PI15: variants seen among roughly 807,000 people sequenced by gnomAD.
PI15 encodes 25 kDa trypsin inhibitor.
PI15 carries 18 observed loss-of-function variants against 31.0 expected under a neutral mutation model. The observed-to-expected ratio is 0.58, with a 90% confidence interval of 0.40 to 0.86. The LOEUF is 0.86. PI15 is among the 40% of genes least tolerant of loss of function. The pLI is 0.00. For synonymous variants in PI15, 118 were observed against 119.1 expected (o/e 0.99, Z 0.06); for missense variants, 282 against 328.1 (o/e 0.86, Z 1.09).
intron 2 of PI15, among the ~76,000 whole-genome samples, chr8:74,827,178 C>T (rs1810712126): frequency 6.6e-6 from 1 of 152,096 alleles, no homozygotes; most frequent in Non-Finnish European, 1.5e-5. Context: ...CAAATCCTAA[C>T]TCTGCTGCTT....
At chr8:74,835,340 C>A (rs542918179) in intron 2 of PI15, among the ~76,000 whole-genome samples, 1 of 152,198 alleles carries the variant, frequency 6.6e-6, no homozygotes, top group Non-Finnish European at 1.5e-5. Flanking sequence ...AGGTCTCCAA[C>A]CTTGAATTTT....
chr8:74,851,638 T>C lies in PI15; in HGVS notation c.*2385T>C, dbSNP rs909482244. On this transcript the variant is annotated 3_prime_UTR_variant, in exon 6 of 6. Coordinates refer to ENST00000260113, the MANE Select transcript of PI15 (RefSeq NM_015886.5). The stretch of plus-strand genomic sequence containing the variant: ...ATCCCAGCTTCTTAAATGGTGGCTG[T>C]AACATAATAAATGTTTAATAAATGC... 6.6e-6 allele frequency: 1 copy of C among 152,104 alleles called. No homozygotes were observed. Among genetic ancestry groups the C allele is most frequent in the Non-Finnish European group, 1.5e-5 (1 of 67,948 alleles). 9.4% of individuals were successfully genotyped at this position (152,104 alleles called of 1,614,324 possible).
Position 74,825,421 on chromosome 8 carries a change from C to A in PI15, c.172C>A (p.Arg58=), listed in dbSNP as rs937194133. The A allele has an allele frequency of 1.9e-6, 3 of 1,612,730 alleles. No individual in the cohort carries two copies. The highest frequency in any genetic ancestry group is 2.7e-5 in the African/African-American group (2 of 74,826). ...TTCAGCGGATATCCCCAAAGCCAGG[C>A]GGAAGCGCTACATTTCGCAGAATGA... The part of the protein sequence containing the change: ...LDSADIPKAR[R]KRYISQNDMI... The change falls in exon 2 of 6, where the codon CGG becomes AGG. Residue 58 remains arginine, a synonymous_variant. Transcript: ENST00000260113.
intron 3 of PI15, 64 bp downstream of exon 3, chr8:74,844,163 G>A: frequency 1.3e-6 from 1 of 797,962 alleles, no homozygotes. Context: ...ACTCTAGGAG[G>A]GAATTTCATC....
intron 2 of PI15, among the ~76,000 whole-genome samples, chr8:74,839,275 A>C (rs1310685422): frequency 6.6e-6 from 1 of 152,178 alleles, no homozygotes; most frequent in Admixed American, 6.5e-5. Context: ...ATTTATAAGC[A>C]CAATAGCTCA....
chr8:74,853,830 A>T lies in PI15; in HGVS notation c.*4577A>T, dbSNP rs1481269965. On this transcript the variant is annotated 3_prime_UTR_variant, in exon 6 of 6. Transcript: ENST00000260113. ...ATTTTCCAGTTCTGAGGCACTTATT[A>T]AAGTGCTTTTTTTTTTCTGAATTAA... 6.6e-6 allele frequency: 1 copy of T among 151,310 alleles called. No homozygotes were observed. The highest frequency in any genetic ancestry group is 1.5e-5 in the Non-Finnish European group (1 of 67,928). 9.4% of individuals were successfully genotyped at this position (151,310 alleles called of 1,614,324 possible).
chr8:74,827,989 C>G (rs947387919), intron 2 of PI15, among the ~76,000 whole-genome samples: 3 of 152,076 alleles, frequency 2.0e-5, no homozygotes, highest in Admixed American at 2.0e-4. Flanking sequence ...ACTTCATTCA[C>G]ACCTGTATTT....
At position 74,849,447 on chromosome 8, in the gene PI15, C is replaced by T. The variant is rs1811074240; in HGVS notation, c.*194C>T. The T allele has an allele frequency of 2.2e-6, 1 of 460,530 alleles. No individual in the cohort carries two copies. The highest frequency in any genetic ancestry group is 4.1e-5 in the Admixed American group (1 of 24,630). 28.5% of individuals were successfully genotyped at this position (460,530 alleles called of 1,614,324 possible). A position where few individuals can be genotyped will look rare whatever the true frequency, so the allele number is the denominator to read the frequency against. ...TTTGAAATATTTGAAACATCAATTT[C>T]TATTTTCTGACCTCTAAGCCTAAAT... On this transcript the variant is annotated 3_prime_UTR_variant, in exon 6 of 6. Transcript: ENST00000260113.
chr8:74,826,332 A>C, intron 2 of PI15: 1 of 959,992 alleles, frequency 1.0e-6, no homozygotes, highest in Non-Finnish European at 1.2e-6. Flanking sequence ...GGCAATGAAG[A>C]CCATCAATAT....
intron 2 of PI15, among the ~76,000 whole-genome samples, chr8:74,830,018 G>A (rs998948381): frequency 7.2e-5 from 11 of 152,122 alleles, no homozygotes; most frequent in Non-Finnish European, 1.5e-4. Context: ...TTAGGGATGC[G>A]TTTTAGAAAG....
In PI15 at chr8:74,852,806, G is replaced by T. The variant is rs1321171288; in HGVS notation, c.*3553G>T. 1 of 151,960 alleles carries T rather than the reference G, an allele frequency of 6.6e-6. No individual in the cohort carries two copies. The highest frequency in any genetic ancestry group is 2.4e-5 in the African/African-American group (1 of 41,408). The allele number at this position is 151,960 out of a possible 1,614,324, so 9.4% of individuals were successfully genotyped here. A position where few individuals can be genotyped will look rare whatever the true frequency, so the allele number is the denominator to read the frequency against. ...GCACAAGCTAAACATAATTTGAATG[G>T]GTCTATGAAGGAAAAATAATGCTTA... On this transcript the variant is annotated 3_prime_UTR_variant, in exon 6 of 6. Coordinates refer to ENST00000260113, the MANE Select transcript of PI15 (RefSeq NM_015886.5).
rs1183926615 is a variant in PI15 at position 74,852,677 on chromosome 8, AT to A, written c.*3425del. The A allele has an allele frequency of 2.0e-5, 3 of 152,160 alleles. No homozygotes were observed. Among genetic ancestry groups the A allele is most frequent in the Non-Finnish European group, 4.4e-5 (3 of 67,976 alleles). 9.4% of individuals were successfully genotyped at this position (152,160 alleles called of 1,614,324 possible). ...AATTGAAACAATAGAAATTTTTCTCATAATATATACCTATGTGAAACCAACT... is the reference window on the plus strand; with the variant it reads ...AATTGAAACAATAGAAATTTTTCTCAAATATATACCTATGTGAAACCAACT... On this transcript the variant is annotated 3_prime_UTR_variant, in exon 6 of 6. Transcript: ENST00000260113.
Position 74,825,494 on chromosome 8 carries a change from TC to T in PI15, c.248del (p.Pro83HisfsTer36), listed in dbSNP as rs777123592. The part of the protein sequence containing the change: ...DYHNQVRGKV[F>X]PPAANMEYMV... ...CATAATCAAGTTCGGGGCAAAGTGT[TC>T]CCACCGGCAGCAAATATGGAATATA... On this transcript the variant is annotated frameshift_variant, in exon 2 of 6. Coordinates refer to ENST00000260113, the MANE Select transcript of PI15 (RefSeq NM_015886.5). LOFTEE classifies it high-confidence loss of function. The T allele has an allele frequency of 6.2e-7, 1 of 1,612,354 alleles. No individual in the cohort carries two copies. Among genetic ancestry groups the T allele is most frequent in the Admixed American group, 1.7e-5 (1 of 59,868 alleles).
Position 74,851,822 on chromosome 8 carries a change from G to C in PI15, c.*2569G>C, listed in dbSNP as rs16938977. 1 of 151,962 alleles carries C rather than the reference G, an allele frequency of 6.6e-6. No homozygotes were observed. The highest frequency in any genetic ancestry group is 6.6e-5 in the Admixed American group (1 of 15,250). The allele number at this position is 151,962 out of a possible 1,614,324, so 9.4% of individuals were successfully genotyped here. On this transcript the variant is annotated 3_prime_UTR_variant, in exon 6 of 6. Coordinates refer to ENST00000260113, the MANE Select transcript of PI15 (RefSeq NM_015886.5). ...CATCAAATATATCAGATTAAGACCAGGGTTTACACACTTAGGCAATAGTCC... is the reference window on the plus strand; with the variant it reads ...CATCAAATATATCAGATTAAGACCACGGTTTACACACTTAGGCAATAGTCC...
intron 1 of PI15, chr8:74,824,940 G>A (rs992367184): frequency 3.3e-6 from 1 of 306,876 alleles, no homozygotes; most frequent in Non-Finnish European, 6.1e-6. Context: ...CAGACATTTG[G>A]GGCAAATGGT....
rs1424682755 is a variant in PI15 at position 74,853,147 on chromosome 8, A to G, written c.*3894A>G. 2 of 152,704 alleles carry G rather than the reference A, an allele frequency of 1.3e-5. No homozygotes were observed. The highest frequency in any genetic ancestry group is 1.3e-4 in the Admixed American group (2 of 15,292). 9.5% of individuals were successfully genotyped at this position (152,704 alleles called of 1,614,324 possible). On this transcript the variant is annotated 3_prime_UTR_variant, in exon 6 of 6. Transcript: ENST00000260113. ...AGAAGGTTTAACACTTCACTGATTA[A>G]TGGTGCTGAAAACACGTTACAATTA...
chr8:74,843,993 A>C lies in PI15; in HGVS notation c.286A>C (p.Asn96His). The change falls in exon 3 of 6, where the codon AAT becomes CAT. Residue 96 changes from asparagine (N) to histidine (H), a missense_variant. Coordinates refer to ENST00000260113, the MANE Select transcript of PI15 (RefSeq NM_015886.5). Reference sequence around the variant, plus strand: ...TTTTCCCCTACAGGTTTGGGATGAAAATCTTGCAAAATCGGCAGAGGCTTG... The same window carrying C: ...TTTTCCCCTACAGGTTTGGGATGAACATCTTGCAAAATCGGCAGAGGCTTG... ...ANMEYMVWDE[N>H]LAKSAEAWAA... 2.5e-6 allele frequency: 4 copies of C among 1,577,842 alleles called. No individual in the cohort carries two copies. Among genetic ancestry groups the C allele is most frequent in the Non-Finnish European group, 3.5e-6 (4 of 1,146,908 alleles).
chr8:74,844,955 T>C, intron 3 of PI15, 173 bp from the exon 4 acceptor site: 1 of 604,194 alleles, frequency 1.7e-6, no homozygotes. Flanking sequence ...TGCTTGGCCC[T>C]AGTTGGAGGA....
At chr8:74,832,398 G>A (rs1291516859) in intron 2 of PI15, among the ~76,000 whole-genome samples, 1 of 152,080 alleles carries the variant, frequency 6.6e-6, no homozygotes, top group African/African-American at 2.4e-5. Context: ...TTTTGGATGG[G>A]TATATCCTTC....
Sources: gnomAD v4.1 joint callset for allele counts (sites outside exome capture counted in the v4.1 genomes callset) on GRCh38, gnomAD v4.1.1 for gene constraint, MANE v1.5 for transcripts, NCBI Gene and HGNC (gene_info 2026-07-23, HGNC 2026-07-21) for gene names.